Variants in DCUN1D4 observed in about 807,000 individuals in gnomAD.
DCUN1D4 encodes the protein defective in cullin neddylation 1 domain containing 4, also known as DCN1-like protein 4.
DCUN1D4 carries 22 observed loss-of-function variants against 47.9 expected under a neutral mutation model. That is an observed-to-expected ratio of 0.46 (90% CI 0.33 to 0.66). The LOEUF is 0.66. Ranked by LOEUF, DCUN1D4 falls within the 30% of genes least tolerant of loss-of-function variation. The pLI, the probability that DCUN1D4 is intolerant of heterozygous loss-of-function variation, is 0.02. For synonymous variants in DCUN1D4, 121 were observed against 112.2 expected (o/e 1.08, Z -0.50); for missense variants, 301 against 340.8 (o/e 0.88, Z 0.92).
At chr4:51,837,654 C>CAAAAAAAAAA in the DCUN1D4 span, among the ~76,000 whole-genome samples, 10 of 46,184 alleles carry the variant, frequency 2.2e-4, 1 homozygote, top group East Asian at 6.7e-4. Context: ...GACTCCGTCT[C>CAAAAAAAAAA]AAAAAAAAAA....
At chr4:51,871,132 T>TAA (rs397954672) in intron 3 of DCUN1D4, among the ~76,000 whole-genome samples, 296 of 139,384 alleles carry the variant, frequency 2.1e-3, no homozygotes, top group African/African-American at 5.4e-3. Context: ...GTGGAGAGAT[T>TAA]AAAAAAAAAA....
rs540585746 is a variant in DCUN1D4 at position 51,866,378 on chromosome 4, G to GTGA, written c.136+2699_136+2701dup. On this transcript the variant is annotated intron_variant, in intron 3 of 10. Transcript: ENST00000334635. ...TCTTCTGTTTGTTAACCAAATTATG[G>GTGA]TGATGATGATGATGATGATGATGAT... Among the ~76,000 whole-genome samples, 561 of 149,052 alleles carry GTGA rather than the reference G, an allele frequency of 3.8e-3. 2 individuals carry two copies. The highest frequency in any genetic ancestry group is 0.011 in the African/African-American group (425 of 39,558).
At chr4:51,866,530 A>G (rs1725952102) in intron 3 of DCUN1D4, among the ~76,000 whole-genome samples, 1 of 152,094 alleles carries the variant, frequency 6.6e-6, no homozygotes, top group Non-Finnish European at 1.5e-5. Context: ...TAATGACTGT[A>G]ATTTTCTAAT....
At chr4:51,842,985 C>A, upstream of DCUN1D4, 1 of 1,195,304 alleles carries the variant, frequency 8.4e-7, no homozygotes, top group Admixed American at 3.8e-5. Context: ...GGCCCCAGGA[C>A]CAATCGTATT....
chr4:51,903,687 G>A (rs1732451314), intron 8 of DCUN1D4, among the ~76,000 whole-genome samples: 1 of 151,892 alleles, frequency 6.6e-6, no homozygotes, highest in Non-Finnish European at 1.5e-5. Flanking sequence ...TATTTTTTCA[G>A]TTTTTTCTGT....
At chr4:51,893,409 CT>C (rs1491470160) in intron 7 of DCUN1D4, among the ~76,000 whole-genome samples, 1 of 150,058 alleles carries the variant, frequency 6.7e-6, no homozygotes. Flanking sequence ...TCATTGCTTC[CT>C]TTTTCTTTTC....
At chr4:51,848,731 TTGTG>T (rs1457656489) in intron 1 of DCUN1D4, among the ~76,000 whole-genome samples, 1 of 152,236 alleles carries the variant, frequency 6.6e-6, no homozygotes, top group East Asian at 1.9e-4. Flanking sequence ...TTAACAATCA[TTGTG>T]TGACAGTTTT....
intron 8 of DCUN1D4, among the ~76,000 whole-genome samples, chr4:51,904,843 G>GGT (rs1180965180): frequency 6.6e-6 from 1 of 151,936 alleles, no homozygotes; most frequent in Non-Finnish European, 1.5e-5. Flanking sequence ...GACTCCTGGA[G>GGT]GTAAAACTCA....
intron 6 of DCUN1D4, among the ~76,000 whole-genome samples, chr4:51,891,475 A>T (rs1418469904): frequency 2.0e-5 from 3 of 152,130 alleles, no homozygotes; most frequent in Non-Finnish European, 4.4e-5. Context: ...TTTACATTTG[A>T]TATTGCCCTC....
upstream of DCUN1D4, chr4:51,842,993 A>G (rs1721836699): frequency 8.9e-6 from 11 of 1,230,898 alleles, no homozygotes; most frequent in Non-Finnish European, 8.5e-6. Context: ...GACCAATCGT[A>G]TTGGCCAGTG....
chr4:51,837,654 C>CAAAAA, the DCUN1D4 span, among the ~76,000 whole-genome samples: 251 of 46,246 alleles, frequency 5.4e-3, 3 homozygotes, highest in Non-Finnish European at 6.9e-3. Context: ...GACTCCGTCT[C>CAAAAA]AAAAAAAAAA....
intron 1 of DCUN1D4, among the ~76,000 whole-genome samples, chr4:51,848,888 C>T (rs1359488972): frequency 1.3e-5 from 2 of 152,046 alleles, no homozygotes; most frequent in Non-Finnish European, 2.9e-5. Flanking sequence ...GAAAAAGACC[C>T]CTGCCCTCTT....
chr4:51,856,195 C>G (rs1046318861), intron 1 of DCUN1D4, among the ~76,000 whole-genome samples: 9 of 152,192 alleles, frequency 5.9e-5, no homozygotes, highest in Non-Finnish European at 8.8e-5. Flanking sequence ...CCCTTTCCTT[C>G]TGCCGCCTTT....
rs150097711 is a variant in DCUN1D4, at chr4:51,904,530, T to A, written c.615+5152T>A. 4.4e-3 allele frequency among the ~76,000 whole-genome samples: 677 copies of A among 152,328 alleles called. 1 individual carries two copies. Among genetic ancestry groups the A allele is most frequent in the Non-Finnish European group, 7.7e-3 (525 of 68,034 alleles). On this transcript the variant is annotated intron_variant, in intron 8 of 10. Transcript: ENST00000334635. ...AACTCCAAGCTCTGTCTTTTCCAACTCAGCAAGATTGCTAGGCTCAGTTTT... is the reference window on the plus strand; with the variant it reads ...AACTCCAAGCTCTGTCTTTTCCAACACAGCAAGATTGCTAGGCTCAGTTTT...
At chr4:51,834,111 TTTC>T in the DCUN1D4 span, among the ~76,000 whole-genome samples, 40 of 127,718 alleles carry the variant, frequency 3.1e-4, 1 homozygote, top group South Asian at 2.5e-4. Context: ...TTCTTTTTTT[TTTC>T]TTTTTTTTTT....
At position 51,864,331 on chromosome 4, in the gene DCUN1D4, C is replaced by T. The variant is rs189769470; in HGVS notation, c.136+622C>T. 7.9e-5 allele frequency among the ~76,000 whole-genome samples: 12 copies of T among 152,318 alleles called. No individual in the cohort carries two copies. The East Asian group carries it at 2.3e-3, about 29-fold the overall frequency. ...GGAGACCACTCTTTGAGAACCACTT[C>T]TCTCAACTGTTAGTAATCATCAAGT... On this transcript the variant is annotated intron_variant, in intron 3 of 10. Coordinates refer to ENST00000334635, the MANE Select transcript of DCUN1D4 (RefSeq NM_001040402.3).
At chr4:51,900,124 C>A (rs959876349) in intron 8 of DCUN1D4, among the ~76,000 whole-genome samples, 1 of 152,086 alleles carries the variant, frequency 6.6e-6, no homozygotes, top group African/African-American at 2.4e-5. Context: ...TGTTTGATTG[C>A]ACTTTTTTAA....
At chr4:51,843,967 T>C in intron 1 of DCUN1D4, among the ~76,000 whole-genome samples, 1 of 139,116 alleles carries the variant, frequency 7.2e-6, no homozygotes. Flanking sequence ...GGAGGGGCGT[T>C]GGAAGGGCGG....
At chr4:51,881,432 C>CT (rs1252023164) in intron 5 of DCUN1D4, among the ~76,000 whole-genome samples, 2 of 152,044 alleles carry the variant, frequency 1.3e-5, no homozygotes, top group East Asian at 3.9e-4. Flanking sequence ...TAAAAACTAC[C>CT]TAAGAGACCA....
Sources: allele counts gnomAD v4.1 joint callset (sites outside exome capture counted in the v4.1 genomes callset), GRCh38; gene constraint gnomAD v4.1.1; transcripts MANE v1.5; gene names NCBI Gene and HGNC (gene_info 2026-07-23, HGNC 2026-07-21).